Variants in EHMT1 observed in about 807,000 individuals in gnomAD.
EHMT1 encodes histone-lysine N-methyltransferase EHMT1.
In EHMT1, 15 loss-of-function variants were observed where a neutral mutation model predicts 147.2. The ratio of observed to expected loss-of-function variants is 0.10; its 90% confidence interval spans 0.07 to 0.16. The LOEUF (loss-of-function observed/expected upper bound fraction) is 0.16. Among genes scored for constraint, EHMT1 ranks in the 10% least tolerant of loss-of-function variants. The pLI is 1.00. For missense variants in EHMT1, 1,587 were observed against 1,772.4 expected, an observed-to-expected ratio of 0.90 and a Z score of 1.88; for synonymous variants, 795 against 709.6, an observed-to-expected ratio of 1.12 and a Z score of -1.91.
intron 1 of EHMT1, among the ~76,000 whole-genome samples, chr9:137,637,269 G>A (rs570120963): frequency 1.3e-5 from 2 of 152,096 alleles, no homozygotes; most frequent in Non-Finnish European, 2.9e-5. Context: ...TCCGCCTCCT[G>A]GGTTCAAGTG....
chr9:137,696,334 C>T (rs540744038), intron 1 of EHMT1, among the ~76,000 whole-genome samples: 12 of 152,200 alleles, frequency 7.9e-5, no homozygotes, highest in Admixed American at 7.9e-4. Context: ...TTGGAGAAGC[C>T]GTTTGGCATT....
chr9:137,826,185 C>T (rs1367322565), intron 25 of EHMT1, among the ~76,000 whole-genome samples: 1 of 152,074 alleles, frequency 6.6e-6, no homozygotes, highest in Non-Finnish European at 1.5e-5. Context: ...GTTTCTGTGC[C>T]GTCTCCTTGC....
At chr9:137,676,926 C>G (rs1319788024) in intron 1 of EHMT1, among the ~76,000 whole-genome samples, 1 of 152,022 alleles carries the variant, frequency 6.6e-6, no homozygotes, top group East Asian at 1.9e-4. Context: ...AAACCTTGCT[C>G]TACTCACCCT....
intron 1 of EHMT1, among the ~76,000 whole-genome samples, chr9:137,622,419 C>T (rs532391170): frequency 2.0e-5 from 3 of 152,168 alleles, no homozygotes; most frequent in Non-Finnish European, 2.9e-5. Flanking sequence ...CGCCCCCGGC[C>T]GATCATCTTC....
In EHMT1 at chr9:137,650,395, AC is replaced by A. The variant is rs370768609; in HGVS notation, c.21+31348del. The stretch of plus-strand genomic sequence containing the variant: ...ATTACAGATGTGTAATTACAGGTGT[AC>A]CTTGCCCAGCTGTTGTTCATTTTTA... On this transcript the variant is annotated intron_variant, in intron 1 of 26. Coordinates refer to ENST00000460843, the MANE Select transcript of EHMT1 (RefSeq NM_024757.5). Among the ~76,000 whole-genome samples, 108 of 152,226 alleles carry A rather than the reference AC, an allele frequency of 7.1e-4. No homozygotes were observed. The Middle Eastern group carries it at 0.024, about 34-fold the overall frequency.
At chr9:137,697,754 A>T (rs1313250561) in intron 1 of EHMT1, among the ~76,000 whole-genome samples, 4 of 152,248 alleles carry the variant, frequency 2.6e-5, no homozygotes, top group African/African-American at 9.6e-5. Context: ...AGTCTAAGAA[A>T]AGAACAAAGC....
At chr9:137,812,011 C>T (rs1954530375) in intron 19 of EHMT1, among the ~76,000 whole-genome samples, 1 of 150,680 alleles carries the variant, frequency 6.6e-6, no homozygotes, top group Non-Finnish European at 1.5e-5. Flanking sequence ...TTGCTGGGGG[C>T]TGTGGCACTC....
At position 137,782,717 on chromosome 9, in the gene EHMT1, C is replaced by T. The variant is rs1316020491; in HGVS notation, c.2382+320C>T. Among the ~76,000 whole-genome samples, 3 of 152,212 alleles carry T rather than the reference C, an allele frequency of 2.0e-5. No individual in the cohort carries two copies. The highest frequency in any genetic ancestry group is 7.2e-5 in the African/African-American group (3 of 41,450). The stretch of plus-strand genomic sequence containing the variant: ...AGCCAAGCACTCGCAGAGGCACGGA[C>T]GCCCCTCCCCCAGCCCCGTTGACTG... On this transcript the variant is annotated intron_variant, in intron 15 of 26. Transcript: ENST00000460843. This position sits in a 1 kb window ranked among gnomAD's most constrained non-coding sequence, Gnocchi z 5.7.
At chr9:137,811,704 G>A (rs954306917) in intron 19 of EHMT1, 89 bp downstream of exon 19, 4 of 1,559,384 alleles carry the variant, frequency 2.6e-6, no homozygotes, top group South Asian at 1.1e-5. Context: ...GTTCACACTT[G>A]GGGCGTGAGT....
rs568615925 is a variant in EHMT1 at position 137,646,847 on chromosome 9, C to T, written c.21+27798C>T. 2.0e-5 allele frequency among the ~76,000 whole-genome samples: 3 copies of T among 152,254 alleles called. No homozygotes were observed. The East Asian group carries it at 5.8e-4, about 29-fold the overall frequency. Reference sequence around the variant, plus strand: ...CCTTACCTTTCTGTACCTTAAATTCCAGTCCCTCAGGTTTCCTTCTGCCTG... The same window carrying T: ...CCTTACCTTTCTGTACCTTAAATTCTAGTCCCTCAGGTTTCCTTCTGCCTG... On this transcript the variant is annotated intron_variant, in intron 1 of 26. Transcript: ENST00000460843.
intron 1 of EHMT1, among the ~76,000 whole-genome samples, chr9:137,646,637 C>A (rs1371983994): frequency 6.6e-6 from 1 of 152,108 alleles, no homozygotes. Context: ...GGAGGTGTGG[C>A]GCAGTTCTGT....
chr9:137,626,234 A>G (rs1017192168), intron 1 of EHMT1, among the ~76,000 whole-genome samples: 7 of 151,744 alleles, frequency 4.6e-5, no homozygotes, highest in African/African-American at 1.7e-4. Flanking sequence ...CTTGTTTTAT[A>G]TATATAGTAT....
At chr9:137,624,522 G>A (rs1207369454) in intron 1 of EHMT1, among the ~76,000 whole-genome samples, 1 of 152,078 alleles carries the variant, frequency 6.6e-6, no homozygotes, top group Non-Finnish European at 1.5e-5. Flanking sequence ...CGCCATATCG[G>A]CCAGGCAGGT....
chr9:137,655,296 C>T (rs1266586413), intron 1 of EHMT1, among the ~76,000 whole-genome samples: 1 of 152,126 alleles, frequency 6.6e-6, no homozygotes, highest in Non-Finnish European at 1.5e-5. Context: ...GGATTATAGG[C>T]GTGAGCCACT....
intron 7 of EHMT1, among the ~76,000 whole-genome samples, chr9:137,752,932 G>A (rs1032259042): frequency 9.9e-5 from 15 of 152,208 alleles, no homozygotes; most frequent in Non-Finnish European, 1.5e-4. Context: ...TGGTGGTGAG[G>A]ACTGGAGGGA....
chr9:137,725,763 CAG>C (rs1026574508), intron 3 of EHMT1, among the ~76,000 whole-genome samples: 100 of 152,212 alleles, frequency 6.6e-4, no homozygotes, highest in African/African-American at 2.3e-3. Flanking sequence ...GCCTGTGAGA[CAG>C]AGAGAGGTGG....
intron 18 of EHMT1, among the ~76,000 whole-genome samples, chr9:137,805,239 A>G (rs774593152): frequency 6.6e-6 from 1 of 151,880 alleles, no homozygotes; most frequent in African/African-American, 2.4e-5. Flanking sequence ...GTCAGTCCAC[A>G]TGTGTGTCAG....
chr9:137,806,554 G>T (rs1297100316), intron 18 of EHMT1, among the ~76,000 whole-genome samples: 35 of 151,920 alleles, frequency 2.3e-4, no homozygotes, highest in Admixed American at 2.3e-3. Flanking sequence ...TCCTGCCTCA[G>T]CCTCCTGAGT....
intron 1 of EHMT1, among the ~76,000 whole-genome samples, chr9:137,674,169 C>G (rs1490018163): frequency 6.6e-6 from 1 of 152,154 alleles, no homozygotes; most frequent in Non-Finnish European, 1.5e-5. Context: ...CTTAGAAAAC[C>G]AGCACCGTAA....
Sources: gnomAD v4.1 joint callset for allele counts (sites outside exome capture counted in the v4.1 genomes callset) on GRCh38, gnomAD v4.1.1 for gene constraint, Gnocchi (gnomAD v3.1) non-coding constraint, MANE v1.5 for transcripts, NCBI Gene and HGNC (gene_info 2026-07-23, HGNC 2026-07-21) for gene names.